The following LRRC7 variants were observed in gnomAD, a reference collection of about 807,000 sequenced individuals.
The protein encoded by LRRC7 is leucine-rich repeat-containing protein 7.
In LRRC7, 23 loss-of-function variants were observed where a neutral mutation model predicts 175.7. The ratio of observed to expected loss-of-function variants is 0.13; its 90% CI spans 0.09 to 0.19. LRRC7 has a LOEUF of 0.19. LRRC7 is among the 10% of genes least tolerant of loss of function. The probability of loss-of-function intolerance (pLI) is 1.00; values close to 1 mark genes in which losing one functional copy is unlikely to be tolerated. For missense variants in LRRC7, 1,354 were observed against 1,904.7 expected (o/e 0.71, Z 5.38); for synonymous variants, 685 against 680.9 (o/e 1.01, Z -0.09).
chr1:69,801,435 C>T (rs970476311), intron 4 of LRRC7, among the ~76,000 whole-genome samples: 11 of 151,562 alleles, frequency 7.3e-5, no homozygotes, highest in Non-Finnish European at 1.3e-4. Flanking sequence ...ATTCCTGGTT[C>T]AATATTCGGA....
At chr1:69,921,680 T>C (rs1308940706) in intron 7 of LRRC7, among the ~76,000 whole-genome samples, 2 of 152,208 alleles carry the variant, frequency 1.3e-5, no homozygotes, top group East Asian at 1.9e-4. Flanking sequence ...TCTGGCCTTA[T>C]GGCTAACATA....
intron 3 of LRRC7, among the ~76,000 whole-genome samples, chr1:69,780,893 A>T (rs1569786903): frequency 6.6e-6 from 1 of 152,290 alleles, no homozygotes; most frequent in East Asian, 1.9e-4. Context: ...CTGAATATTT[A>T]TGATTTAATA....
chr1:69,940,047 A>C (rs948597596), intron 8 of LRRC7, among the ~76,000 whole-genome samples: 4 of 152,152 alleles, frequency 2.6e-5, no homozygotes, highest in African/African-American at 7.2e-5. Context: ...AAATATGCAT[A>C]TGTACATAAA....
chr1:70,114,947 G>T (rs1241118567), intron 26 of LRRC7, among the ~76,000 whole-genome samples: 1 of 152,172 alleles, frequency 6.6e-6, no homozygotes, highest in East Asian at 1.9e-4. Flanking sequence ...TGTCTTTATT[G>T]TGTCATTTAA....
chr1:69,744,776 T>C (rs1669078531), intron 2 of LRRC7, among the ~76,000 whole-genome samples: 1 of 151,940 alleles, frequency 6.6e-6, no homozygotes, highest in African/African-American at 2.4e-5. Context: ...GAAAAGATTT[T>C]GTTTTCCACT....
At chr1:69,805,119 T>C (rs1676959902) in intron 4 of LRRC7, among the ~76,000 whole-genome samples, 1 of 151,734 alleles carries the variant, frequency 6.6e-6, no homozygotes, top group Non-Finnish European at 1.5e-5. Context: ...AAAAAATCAT[T>C]ATTGTTAGTT....
chr1:69,916,847 A>G (rs1646733766), intron 7 of LRRC7, among the ~76,000 whole-genome samples: 1 of 152,096 alleles, frequency 6.6e-6, no homozygotes, highest in Admixed American at 6.6e-5. Context: ...AAAAACTAAG[A>G]TATTTTCAGT....
rs562581934 is a variant in LRRC7 at position 69,794,285 on chromosome 1, A to T, written c.421+2125A>T. 2.0e-5 allele frequency among the ~76,000 whole-genome samples: 3 copies of T among 152,282 alleles called. No individual in the cohort carries two copies. In the South Asian group the frequency reaches 6.2e-4, roughly 32 times the overall value. On this transcript the variant is annotated intron_variant, in intron 4 of 26. Transcript: ENST00000651989. Reference sequence around the variant, plus strand: ...CATGTTTCCTGAAGATTTCCATGAAATCTGAATAAAGAGAGTATTTCATCT... The same window carrying T: ...CATGTTTCCTGAAGATTTCCATGAATTCTGAATAAAGAGAGTATTTCATCT...
rs967240620 is a variant in LRRC7 at position 70,125,585 on chromosome 1, G to A, written c.*3698G>A. Among the ~76,000 whole-genome samples the A allele has an allele frequency of 5.9e-5, 9 of 152,038 alleles. No homozygotes were observed. Among genetic ancestry groups the A allele is most frequent in the African/African-American group, 1.2e-4 (5 of 41,416 alleles). On this transcript the variant is annotated 3_prime_UTR_variant, in exon 27 of 27. Coordinates refer to ENST00000651989, the MANE Select transcript of LRRC7 (RefSeq NM_001370785.2). Reference sequence around the variant, plus strand: ...AGGCGGGCGGATCACGAGGTCAGGAGATCGAGACCATCCCAGCTAAAACGG... The same window carrying A: ...AGGCGGGCGGATCACGAGGTCAGGAAATCGAGACCATCCCAGCTAAAACGG...
intron 2 of LRRC7, among the ~76,000 whole-genome samples, chr1:69,702,326 T>C (rs980671689): frequency 3.9e-5 from 6 of 152,222 alleles, no homozygotes; most frequent in African/African-American, 1.4e-4. Flanking sequence ...CTGCTCTCTT[T>C]TGGAACACAG....
chr1:69,779,188 A>T (rs915166268), intron 3 of LRRC7, among the ~76,000 whole-genome samples: 13 of 152,202 alleles, frequency 8.5e-5, no homozygotes, highest in African/African-American at 3.1e-4. Flanking sequence ...AAATTTTACC[A>T]ACCAATAATT....
chr1:69,659,234 A>C (rs1006159461), intron 1 of LRRC7, among the ~76,000 whole-genome samples: 4 of 152,038 alleles, frequency 2.6e-5, no homozygotes, highest in Non-Finnish European at 5.9e-5. Context: ...TGAGCCAGAA[A>C]ATAGAGCAGA....
intron 1 of LRRC7, among the ~76,000 whole-genome samples, chr1:69,601,704 C>T (rs937009300): frequency 1.3e-5 from 2 of 152,106 alleles, no homozygotes; most frequent in Non-Finnish European, 2.9e-5. Flanking sequence ...AAAACTTTTT[C>T]CAGGTCAACA....
Position 70,011,855 on chromosome 1 carries a change from A to T in LRRC7, c.1063A>T (p.Thr355Ser), listed in dbSNP as rs1455859609. Residue 355 changes from threonine to serine, a missense_variant, in exon 12 of 27, where the codon ACT becomes TCT. By Grantham distance (58) the Thr-to-Ser change is moderately conservative. Around this residue, in one of 4 missense-constraint regions of LRRC7, gnomAD observed 201 missense variants for 481.4 expected, o/e 0.42. Transcript: ENST00000651989. Reference protein sequence around the residue: ...SCNELESLPSTIGYLHSLRTL... With the variant: ...SCNELESLPSSIGYLHSLRTL... Reference sequence around the variant, plus strand: ...TAATGAACTGGAGTCACTACCTTCTACTATTGGCTACCTTCATAGTCTTCG... The same window carrying T: ...TAATGAACTGGAGTCACTACCTTCTTCTATTGGCTACCTTCATAGTCTTCG... 1.3e-6 allele frequency: 2 copies of T among 1,586,688 alleles called. No individual in the cohort carries two copies. The highest frequency in any genetic ancestry group is 2.2e-5 in the South Asian group (2 of 90,498).
chr1:69,656,696 T>C (rs922402218), intron 1 of LRRC7, among the ~76,000 whole-genome samples: 6 of 151,950 alleles, frequency 3.9e-5, no homozygotes, highest in Non-Finnish European at 7.4e-5. Context: ...ACCACTTTAA[T>C]TGACATTGAG....
intron 1 of LRRC7, among the ~76,000 whole-genome samples, chr1:69,570,035 G>T (rs2100870292): frequency 6.6e-6 from 1 of 152,080 alleles, no homozygotes; most frequent in South Asian, 2.1e-4. Context: ...GTGGTAACTG[G>T]GTCAGCAGGT....
chr1:69,580,214 T>G (rs1264851937), intron 1 of LRRC7, among the ~76,000 whole-genome samples: 4 of 152,142 alleles, frequency 2.6e-5, no homozygotes, highest in Non-Finnish European at 5.9e-5. Context: ...TGAAATCCTA[T>G]TCTATTAAAA....
chr1:69,737,863 G>A (rs1201413042), intron 2 of LRRC7, among the ~76,000 whole-genome samples: 2 of 152,040 alleles, frequency 1.3e-5, no homozygotes, highest in Non-Finnish European at 2.9e-5. Context: ...CAAAGACTAA[G>A]AAGCTGAGAG....
Position 69,658,951 on chromosome 1 carries a change from T to C in LRRC7, c.3-19430T>C, listed in dbSNP as rs527654159. 3.9e-5 allele frequency among the ~76,000 whole-genome samples: 6 copies of C among 152,108 alleles called. No individual in the cohort carries two copies. In the South Asian group the frequency reaches 1.2e-3, roughly 32 times the overall value. On this transcript the variant is annotated intron_variant, in intron 1 of 26. Transcript: ENST00000651989. ...GCAACAGCAAAAAGCCATTTTTGCC[T>C]CCATGTCTAAAGGAGCATAGAAAAG...
Sources: allele counts gnomAD v4.1 joint callset (sites outside exome capture counted in the v4.1 genomes callset), GRCh38; gene constraint gnomAD v4.1.1; regional missense constraint gnomAD v4.1.1; transcripts MANE v1.5; gene names NCBI Gene and HGNC (gene_info 2026-07-23, HGNC 2026-07-21).